SLC35D4: variants seen among roughly 807,000 people sequenced by gnomAD.
The protein encoded by SLC35D4 is solute carrier family 35 member D4.
At chr18:23,243,500 T>C in the SLC35D4 span, among the ~76,000 whole-genome samples, 3 of 150,636 alleles carry the variant, frequency 2.0e-5, no homozygotes, top group East Asian at 1.9e-4. Context: ...GGTCTTTTTG[T>C]TGTTGTTAAC....
chr18:23,313,143 A>T, the SLC35D4 span, among the ~76,000 whole-genome samples: 14 of 142,946 alleles, frequency 9.8e-5, no homozygotes, highest in African/African-American at 3.7e-4. Flanking sequence ...AAAAAAAAAA[A>T]AAAAAAAAAA....
chr18:23,311,648 T>C, the SLC35D4 span, among the ~76,000 whole-genome samples: 1 of 152,216 alleles, frequency 6.6e-6, no homozygotes, highest in African/African-American at 2.4e-5. Context: ...TGATCTTTAA[T>C]AGCTATTAGC....
At chr18:23,270,349 T>C in the SLC35D4 span, among the ~76,000 whole-genome samples, 1 of 152,210 alleles carries the variant, frequency 6.6e-6, no homozygotes, top group African/African-American at 2.4e-5. Context: ...AGAGGATATG[T>C]AGGAATGCCT....
chr18:23,241,312 C>T, the SLC35D4 span, among the ~76,000 whole-genome samples: 2 of 151,922 alleles, frequency 1.3e-5, no homozygotes, highest in African/African-American at 2.4e-5. Context: ...GGGGGGATCA[C>T]TTGAGGTCAA....
At chr18:23,347,605 T>C in the SLC35D4 span, among the ~76,000 whole-genome samples, 2 of 152,160 alleles carry the variant, frequency 1.3e-5, no homozygotes, top group Non-Finnish European at 2.9e-5. Flanking sequence ...ATTTTTTTCT[T>C]GTAGAGATGG....
the SLC35D4 span, among the ~76,000 whole-genome samples, chr18:23,366,707 A>T: frequency 6.6e-6 from 1 of 152,212 alleles, no homozygotes; most frequent in Non-Finnish European, 1.5e-5. Flanking sequence ...TGCCTGCTCC[A>T]GGAGCTGTCT....
the SLC35D4 span, among the ~76,000 whole-genome samples, chr18:23,324,656 A>G: frequency 5.9e-5 from 9 of 152,072 alleles, no homozygotes; most frequent in South Asian, 1.9e-3. Flanking sequence ...ACATGGGCAG[A>G]CTCTGAATGT....
chr18:23,300,574 TAA>T, the SLC35D4 span, among the ~76,000 whole-genome samples: 1 of 152,292 alleles, frequency 6.6e-6, no homozygotes, highest in African/African-American at 2.4e-5. Context: ...TAGTAAATAC[TAA>T]AAATGAAAAC....
At chr18:23,365,595 T>C in the SLC35D4 span, 1 of 1,610,646 alleles carries the variant, frequency 6.2e-7, no homozygotes, top group Middle Eastern at 1.7e-4. Context: ...ATAAGCAATG[T>C]CAAACAGACA....
At chr18:23,262,439 G>A in the SLC35D4 span, among the ~76,000 whole-genome samples, 1 of 152,384 alleles carries the variant, frequency 6.6e-6, no homozygotes, top group African/African-American at 2.4e-5. Flanking sequence ...CTCTACTGTA[G>A]CTGGGGACTG....
chr18:23,272,307 C>T, the SLC35D4 span, among the ~76,000 whole-genome samples: 4 of 152,056 alleles, frequency 2.6e-5, no homozygotes, highest in Non-Finnish European at 5.9e-5. Flanking sequence ...TATTCCTTGT[C>T]GGTCTCTTCC....
At chr18:23,363,658 G>C in the SLC35D4 span, among the ~76,000 whole-genome samples, 1 of 152,160 alleles carries the variant, frequency 6.6e-6, no homozygotes, top group Non-Finnish European at 1.5e-5. Flanking sequence ...ACAGGCGTGA[G>C]TCACCACGCC....
the SLC35D4 span, among the ~76,000 whole-genome samples, chr18:23,340,484 C>T: frequency 1.3e-5 from 2 of 152,136 alleles, no homozygotes; most frequent in Non-Finnish European, 2.9e-5. Flanking sequence ...CTTGTTCACA[C>T]TCAGGCACCA....
At chr18:23,361,103 C>CAAAAAA in the SLC35D4 span, among the ~76,000 whole-genome samples, 48 of 93,972 alleles carry the variant, frequency 5.1e-4, no homozygotes, top group African/African-American at 8.0e-4. Flanking sequence ...GACTTTGTCT[C>CAAAAAA]AAAAAAAAAA....
At chr18:23,306,553 G>A in the SLC35D4 span, among the ~76,000 whole-genome samples, 7 of 152,194 alleles carry the variant, frequency 4.6e-5, no homozygotes, top group African/African-American at 1.4e-4. Context: ...TGATCCACCC[G>A]CCTCGGCCTC....
the SLC35D4 span, among the ~76,000 whole-genome samples, chr18:23,395,682 G>A: frequency 2.6e-5 from 4 of 152,222 alleles, no homozygotes; most frequent in East Asian, 7.7e-4. Context: ...GCCAGCACAG[G>A]CTGAGGCAGT....
the SLC35D4 span, among the ~76,000 whole-genome samples, chr18:23,292,974 TCACGCCTATAATCC>T: frequency 6.6e-6 from 1 of 152,296 alleles, no homozygotes. Flanking sequence ...GCGTGGTGGC[TCACGCCTATAATCC>T]CAGCACTTTG....
the SLC35D4 span, among the ~76,000 whole-genome samples, chr18:23,267,691 A>C: frequency 2.0e-5 from 3 of 151,890 alleles, no homozygotes; most frequent in Non-Finnish European, 4.4e-5. Flanking sequence ...TCTGCTTCAC[A>C]TCTGGGGTCC....
the SLC35D4 span, among the ~76,000 whole-genome samples, chr18:23,383,164 C>G: frequency 1.3e-5 from 2 of 152,080 alleles, no homozygotes; most frequent in Non-Finnish European, 2.9e-5. Flanking sequence ...GGGAGCTGAG[C>G]TCAGCAGGAG....
Sources: allele counts gnomAD v4.1 joint callset (sites outside exome capture counted in the v4.1 genomes callset), GRCh38; gene constraint gnomAD v4.1.1; transcripts MANE v1.5; gene names NCBI Gene and HGNC (gene_info 2026-07-23, HGNC 2026-07-21).